Variants in NRG3 observed in about 807,000 individuals in gnomAD.
NRG3 encodes neuregulin 3.
NRG3 carries 31 observed loss-of-function variants against 66.9 expected under a neutral mutation model. That is an observed-to-expected ratio of 0.46 (90% CI 0.35 to 0.63). The LOEUF (loss-of-function observed/expected upper bound fraction) is 0.63, where lower values mean the gene tolerates loss of function less well. Among genes scored for constraint, NRG3 ranks in the 20% least tolerant of loss-of-function variants. NRG3 has a pLI of 0.00. For missense variants in NRG3, 910 were observed against 878.9 expected (o/e 1.04, Z -0.45); for synonymous variants, 393 against 359.4 (o/e 1.09, Z -1.06).
At chr10:82,680,355 C>T (rs1003691511) in intron 2 of NRG3, among the ~76,000 whole-genome samples, 1 of 152,092 alleles carries the variant, frequency 6.6e-6, no homozygotes, top group African/African-American at 2.4e-5. Context: ...TTAATTTTAT[C>T]CACTGCTAAA....
intron 4 of NRG3, among the ~76,000 whole-genome samples, chr10:82,901,125 T>C (rs1377776551): frequency 6.6e-6 from 1 of 152,224 alleles, no homozygotes; most frequent in African/African-American, 2.4e-5. Context: ...TTTAAATGAA[T>C]AGAATGTTTT....
intron 2 of NRG3, among the ~76,000 whole-genome samples, chr10:82,542,351 A>T (rs1177019237): frequency 6.6e-6 from 1 of 152,228 alleles, no homozygotes; most frequent in East Asian, 1.9e-4. Context: ...TGATCAAAGA[A>T]TTATAGGGAC....
intron 2 of NRG3, among the ~76,000 whole-genome samples, chr10:82,731,243 T>C (rs1278171224): frequency 6.6e-6 from 1 of 151,856 alleles, no homozygotes; most frequent in Non-Finnish European, 1.5e-5. Flanking sequence ...GGCACATGCA[T>C]GTAGTCCCAG....
intron 2 of NRG3, among the ~76,000 whole-genome samples, chr10:82,524,641 C>A (rs1846514884): frequency 6.6e-6 from 1 of 151,826 alleles, no homozygotes; most frequent in Non-Finnish European, 1.5e-5. Context: ...GTAACATATT[C>A]AAATTCATAT....
intron 2 of NRG3, among the ~76,000 whole-genome samples, chr10:82,659,330 T>C (rs2133948540): frequency 6.6e-6 from 1 of 152,326 alleles, no homozygotes; most frequent in South Asian, 2.1e-4. Flanking sequence ...AGTATAGCTG[T>C]CTCTGCAATT....
chr10:82,594,522 T>G (rs1371171143), intron 2 of NRG3, among the ~76,000 whole-genome samples: 1 of 152,162 alleles, frequency 6.6e-6, no homozygotes, highest in African/African-American at 2.4e-5. Flanking sequence ...TTTAAATATC[T>G]CTATTGTTAA....
chr10:81,958,810 AC>A (rs2133255614), intron 1 of NRG3, among the ~76,000 whole-genome samples: 1 of 152,152 alleles, frequency 6.6e-6, no homozygotes, highest in Non-Finnish European at 1.5e-5. Flanking sequence ...AAGCACTTGA[AC>A]CCAGGAGGCA....
At chr10:82,324,912 A>T (rs2081782425) in intron 1 of NRG3, among the ~76,000 whole-genome samples, 1 of 152,074 alleles carries the variant, frequency 6.6e-6, no homozygotes, top group African/African-American at 2.4e-5. Context: ...CTATAACTGA[A>T]TTTTTTCAAG....
intron 2 of NRG3, among the ~76,000 whole-genome samples, chr10:82,609,761 G>A (rs1335024838): frequency 2.0e-5 from 3 of 152,048 alleles, no homozygotes; most frequent in Admixed American, 6.5e-5. Context: ...ATTCCTCATC[G>A]TAAATTTAGA....
chr10:82,072,046 T>C (rs2064836112), intron 1 of NRG3, among the ~76,000 whole-genome samples: 2 of 152,178 alleles, frequency 1.3e-5, no homozygotes, highest in African/African-American at 4.8e-5. Context: ...TCTTTATATG[T>C]ATATGTCTAC....
chr10:81,920,296 C>T (rs1846133883), intron 1 of NRG3, among the ~76,000 whole-genome samples: 2 of 152,100 alleles, frequency 1.3e-5, no homozygotes, highest in Admixed American at 1.3e-4. Flanking sequence ...CCTTAGCACC[C>T]TGCAACCAAA....
At chr10:82,128,996 C>G (rs981688496) in intron 1 of NRG3, among the ~76,000 whole-genome samples, 1 of 151,894 alleles carries the variant, frequency 6.6e-6, no homozygotes, top group African/African-American at 2.4e-5. Context: ...TCACTGCAAC[C>G]TCGCCTCTCG....
chr10:82,085,775 T>C (rs901412197), intron 1 of NRG3, among the ~76,000 whole-genome samples: 1 of 152,046 alleles, frequency 6.6e-6, no homozygotes, highest in Non-Finnish European at 1.5e-5. Flanking sequence ...TAACCAGGAT[T>C]ACAGGTGCCT....
intron 1 of NRG3, among the ~76,000 whole-genome samples, chr10:81,901,837 G>A (rs150115045): frequency 2.0e-5 from 3 of 152,328 alleles, no homozygotes; most frequent in African/African-American, 7.2e-5. Flanking sequence ...GGAAAGGTTA[G>A]TCTGTACCCC....
chr10:82,589,636 T>C (rs1055743769), intron 2 of NRG3, among the ~76,000 whole-genome samples: 1 of 152,068 alleles, frequency 6.6e-6, no homozygotes, highest in Non-Finnish European at 1.5e-5. Flanking sequence ...ATTAAGTAGG[T>C]GGACAGGGGC....
At chr10:82,318,318 G>T (rs1444650165) in intron 1 of NRG3, among the ~76,000 whole-genome samples, 1 of 152,102 alleles carries the variant, frequency 6.6e-6, no homozygotes, top group Admixed American at 6.6e-5. Context: ...GGCTTAATGA[G>T]TTTGGGGTCC....
intron 3 of NRG3, among the ~76,000 whole-genome samples, chr10:82,797,819 A>G (rs1333214): frequency 0.52 from 79,043 of 151,942 alleles, 22,176 homozygotes; most frequent in African/African-American, 0.76. Context: ...AAAACTGTGA[A>G]TGTGGCCTCC....
chr10:82,101,321 A>C, intron 1 of NRG3, among the ~76,000 whole-genome samples: 1 of 151,852 alleles, frequency 6.6e-6, no homozygotes, highest in East Asian at 1.9e-4. Flanking sequence ...CTATTTCAGT[A>C]ATATCAACTT....
chr10:82,321,216 G>A (rs1053857795), intron 1 of NRG3, among the ~76,000 whole-genome samples: 2 of 151,816 alleles, frequency 1.3e-5, no homozygotes, highest in African/African-American at 4.8e-5. Flanking sequence ...CTGCCTGTCT[G>A]TGTGCTCCCC....
Sources: gnomAD v4.1 joint callset for allele counts (sites outside exome capture counted in the v4.1 genomes callset) on GRCh38, gnomAD v4.1.1 for gene constraint, MANE v1.5 for transcripts, NCBI Gene and HGNC (gene_info 2026-07-23, HGNC 2026-07-21) for gene names.